The following SCN2A variants were observed in gnomAD, a reference collection of about 807,000 sequenced individuals.
SCN2A encodes sodium voltage-gated channel alpha subunit 2, also known as sodium channel protein type 2 subunit alpha.
SCN2A carries 20 observed loss-of-function variants against 188.7 expected under a neutral mutation model. The observed-to-expected ratio is 0.11, with a 90% CI of 0.07 to 0.15. The LOEUF is 0.15. SCN2A is among the 10% of genes least tolerant of loss of function. The pLI, the probability that SCN2A is intolerant of heterozygous loss-of-function variation, is 1.00. For missense variants in SCN2A, 1,278 were observed against 2,445.0 expected (o/e 0.52, Z 10.07); for synonymous variants, 804 against 833.1 (o/e 0.97, Z 0.60).
At chr2:165,253,370 T>C (rs1694177874) in intron 1 of SCN2A, among the ~76,000 whole-genome samples, 1 of 152,162 alleles carries the variant, frequency 6.6e-6, no homozygotes, top group African/African-American at 2.4e-5. Flanking sequence ...GATTGATTTG[T>C]GATAATATCA....
At chr2:165,308,827 G>A in intron 5 of SCN2A, 33 bp downstream of exon 5, 2 of 1,611,410 alleles carry the variant, frequency 1.2e-6, no homozygotes, top group Middle Eastern at 1.7e-4. Context: ...TATCCTGGAA[G>A]AGTAAATCAC....
chr2:165,346,773 TG>T (rs1228188131), intron 16 of SCN2A, among the ~76,000 whole-genome samples: 2 of 152,070 alleles, frequency 1.3e-5, no homozygotes, highest in Non-Finnish European at 2.9e-5. Flanking sequence ...TATCAAAAAG[TG>T]GGTGAAGGAT....
intron 3 of SCN2A, among the ~76,000 whole-genome samples, chr2:165,305,073 T>A (rs1298239765): frequency 6.6e-6 from 1 of 152,162 alleles, no homozygotes. Context: ...TGCAGTGATA[T>A]GGGGATGGAA....
At chr2:165,304,208 C>G (rs1486621832) in intron 3 of SCN2A, among the ~76,000 whole-genome samples, 1 of 152,110 alleles carries the variant, frequency 6.6e-6, no homozygotes, top group African/African-American at 2.4e-5. Context: ...AGTGATTCCC[C>G]TGCCTTAGCC....
At chr2:165,260,326 C>G (rs1295922496) in intron 1 of SCN2A, among the ~76,000 whole-genome samples, 1 of 152,162 alleles carries the variant, frequency 6.6e-6, no homozygotes, top group African/African-American at 2.4e-5. Flanking sequence ...AATCTCCTTG[C>G]AGATCTCCAT....
intron 17 of SCN2A, among the ~76,000 whole-genome samples, chr2:165,359,530 G>T (rs772699563): frequency 3.3e-5 from 5 of 151,948 alleles, no homozygotes; most frequent in African/African-American, 4.8e-5. Context: ...GGCAATTTTT[G>T]ATTTCCTTGT....
chr2:165,302,687 T>C (rs988977957), intron 3 of SCN2A, among the ~76,000 whole-genome samples: 2 of 152,194 alleles, frequency 1.3e-5, no homozygotes, highest in African/African-American at 4.8e-5. Flanking sequence ...AACAAATTGC[T>C]GAAGCCCACA....
At chr2:165,352,935 GTATGT>G (rs1700002497) in intron 16 of SCN2A, among the ~76,000 whole-genome samples, 1 of 151,598 alleles carries the variant, frequency 6.6e-6, no homozygotes, top group African/African-American at 2.4e-5. Context: ...CTTTTGTTCT[GTATGT>G]TATGTGTGCT....
At chr2:165,287,705 C>T (rs1695913896) in intron 1 of SCN2A, among the ~76,000 whole-genome samples, 2 of 152,150 alleles carry the variant, frequency 1.3e-5, no homozygotes, top group Non-Finnish European at 2.9e-5. Context: ...CTTCTCTGCT[C>T]CCCTTGCCCA....
chr2:165,352,659 C>T (rs1699986755), intron 16 of SCN2A, among the ~76,000 whole-genome samples: 1 of 152,118 alleles, frequency 6.6e-6, no homozygotes, highest in Non-Finnish European at 1.5e-5. Flanking sequence ...TAATGAATCG[C>T]AGTTAAACCA....
intron 1 of SCN2A, chr2:165,270,276 A>G (rs1260559709): frequency 6.6e-6 from 1 of 151,718 alleles, no homozygotes; most frequent in Non-Finnish European, 1.5e-5. Flanking sequence ...CTTCCGTTCT[A>G]TTTTGCTACT....
rs796053146 is a variant in SCN2A, at chr2:165,389,742, C to A, written c.5936C>A (p.Thr1979Asn). ...TCTCCACCCTCGTATGATAGTGTGA[C>A]CAAACCAGAAAAAGAAAAATTTGAA... ...TTSPPSYDSVTKPEKEKFEKD... is the reference protein window; with the variant it reads ...TTSPPSYDSVNKPEKEKFEKD... The change falls in exon 27 of 27, where the codon ACC (threonine) becomes AAC (asparagine). Residue 1979 changes from threonine (T) to asparagine (N), a missense_variant. This residue lies in a region of SCN2A where 109 missense variants were observed against 137.9 expected (regional missense o/e 0.79). Transcript: ENST00000375437. The surrounding 1 kb of genome is among the most constrained non-coding windows in gnomAD (Gnocchi z 4.2). 6.2e-7 allele frequency: 1 copy of A among 1,613,120 alleles called. No individual in the cohort carries two copies. The highest frequency in any genetic ancestry group is 1.7e-5 in the Admixed American group (1 of 59,856).
At chr2:165,319,030 A>T (rs1263466506) in intron 11 of SCN2A, among the ~76,000 whole-genome samples, 1 of 152,202 alleles carries the variant, frequency 6.6e-6, no homozygotes, top group Non-Finnish European at 1.5e-5. Context: ...TTGTGGGAGC[A>T]GTAAGTCTTC....
intron 16 of SCN2A, among the ~76,000 whole-genome samples, chr2:165,348,346 G>A (rs112467688): frequency 0.083 from 11,292 of 135,252 alleles, 547 homozygotes; most frequent in Middle Eastern, 0.27. Flanking sequence ...GTGAAAGAGC[G>A]AGACTCTGTT....
chr2:165,270,876 G>C (rs1456241484), intron 1 of SCN2A: 2 of 151,974 alleles, frequency 1.3e-5, no homozygotes, highest in East Asian at 3.9e-4. Flanking sequence ...TCCTTTTTGG[G>C]AGCAGGAGTC....
chr2:165,323,066 C>T, intron 11 of SCN2A, 90 bp from the exon 12 acceptor site: 1 of 1,228,804 alleles, frequency 8.1e-7, no homozygotes, highest in Admixed American at 1.9e-5. Context: ...AAGTCAATGA[C>T]TATGACACAA....
At chr2:165,259,899 A>T (rs1694497307) in intron 1 of SCN2A, among the ~76,000 whole-genome samples, 1 of 148,992 alleles carries the variant, frequency 6.7e-6, no homozygotes, top group Non-Finnish European at 1.5e-5. Context: ...TCACGGAATC[A>T]TTATGTATGG....
rs530608927 is a variant in SCN2A at position 165,323,470 on chromosome 2, C to A, written c.1986C>A (p.Thr662=). 6 of 1,613,734 alleles carry A rather than the reference C, an allele frequency of 3.7e-6. No individual in the cohort carries two copies. The highest frequency in any genetic ancestry group is 5.1e-6 in the Non-Finnish European group (6 of 1,179,842). ...GVVSLVGGPS[T]LTSAGQLLPE... is the part of the protein sequence containing the mutation. ...TCTCCCTGGTCGGGGGCCCTTCTAC[C>A]CTCACATCTGCTGGGCAGCTCCTAC... Residue 662 remains threonine, a synonymous_variant, in exon 12 of 27, where the codon ACC becomes ACA. Transcript: ENST00000375437.
chr2:165,325,196 C>T (rs1698286320), intron 12 of SCN2A, among the ~76,000 whole-genome samples: 1 of 152,170 alleles, frequency 6.6e-6, no homozygotes, highest in African/African-American at 2.4e-5. Context: ...AATTATTTAG[C>T]ATTTATCAAT....
Sources: gnomAD v4.1 joint callset for allele counts (sites outside exome capture counted in the v4.1 genomes callset) on GRCh38, gnomAD v4.1.1 for gene constraint, gnomAD v4.1.1 regional missense constraint, Gnocchi (gnomAD v3.1) non-coding constraint, MANE v1.5 for transcripts, NCBI Gene and HGNC (gene_info 2026-07-23, HGNC 2026-07-21) for gene names.